Variants in LOC128462377 observed in about 807,000 individuals in gnomAD.
At chr16:89,381,365 G>A in the LOC128462377 span, among the ~76,000 whole-genome samples, 2 of 145,936 alleles carry the variant, frequency 1.4e-5, no homozygotes, top group African/African-American at 2.6e-5. Flanking sequence ...GGGGTGAGAA[G>A]GGCAAGCAAG....
the LOC128462377 span, among the ~76,000 whole-genome samples, chr16:89,355,773 C>G: frequency 6.6e-6 from 1 of 152,226 alleles, no homozygotes; most frequent in Non-Finnish European, 1.5e-5. Context: ...CGCAGCCTGA[C>G]AATCGCATCT....
At chr16:89,334,867 C>T in the LOC128462377 span, among the ~76,000 whole-genome samples, 3 of 152,092 alleles carry the variant, frequency 2.0e-5, no homozygotes, top group Non-Finnish European at 2.9e-5. Context: ...ACACTGGATT[C>T]GAAGAGCCAG....
chr16:89,378,316 A>T, the LOC128462377 span, among the ~76,000 whole-genome samples: 4 of 152,178 alleles, frequency 2.6e-5, no homozygotes, highest in African/African-American at 9.7e-5. Flanking sequence ...TTATATGTGG[A>T]CTTGACTGTA....
At chr16:89,372,735 G>A in the LOC128462377 span, 1 of 152,186 alleles carries the variant, frequency 6.6e-6, no homozygotes. Context: ...GGGGACCCAG[G>A]ACACTGTTCT....
chr16:89,354,987 A>G, the LOC128462377 span, among the ~76,000 whole-genome samples: 3 of 152,360 alleles, frequency 2.0e-5, no homozygotes, highest in African/African-American at 4.8e-5. Context: ...TCCAAGTCCC[A>G]GGAAATGCAC....
At chr16:89,387,270 G>T in the LOC128462377 span, among the ~76,000 whole-genome samples, 1 of 152,068 alleles carries the variant, frequency 6.6e-6, no homozygotes, top group African/African-American at 2.4e-5. Flanking sequence ...GGCCTGAATG[G>T]TGGGAGTGCC....
At chr16:89,373,566 G>C in the LOC128462377 span, 1 of 152,392 alleles carries the variant, frequency 6.6e-6, no homozygotes, top group South Asian at 2.1e-4. Flanking sequence ...AGCAGTACCA[G>C]ACACCAGCGA....
the LOC128462377 span, among the ~76,000 whole-genome samples, chr16:89,349,134 TAAAAAA>T: frequency 1.5e-3 from 25 of 16,578 alleles, no homozygotes; most frequent in South Asian, 3.6e-3. Context: ...TCTCAAAAAG[TAAAAAA>T]AAAAAAAAAA....
the LOC128462377 span, among the ~76,000 whole-genome samples, chr16:89,339,355 GCAAACAAA>G: frequency 0.015 from 2,297 of 152,134 alleles, 47 homozygotes; most frequent in African/African-American, 0.052. Context: ...GCTTACACTA[GCAAACAAA>G]CAAACAAACA....
the LOC128462377 span, among the ~76,000 whole-genome samples, chr16:89,318,600 C>G: frequency 3.1e-3 from 477 of 152,274 alleles, 1 homozygote; most frequent in African/African-American, 0.011. Context: ...GCCTCTCCCA[C>G]CTCCACCCCG....
At chr16:89,355,759 T>C in the LOC128462377 span, among the ~76,000 whole-genome samples, 1 of 152,254 alleles carries the variant, frequency 6.6e-6, no homozygotes, top group Non-Finnish European at 1.5e-5. Flanking sequence ...CTTGTGTTAC[T>C]GAGCGCAGCC....
the LOC128462377 span, chr16:89,395,978 C>T: frequency 6.6e-6 from 1 of 152,192 alleles, no homozygotes; most frequent in African/African-American, 2.4e-5. Context: ...GGCCTCTGGA[C>T]AGGAAGCACC....
At chr16:89,378,576 C>G in the LOC128462377 span, among the ~76,000 whole-genome samples, 1 of 152,194 alleles carries the variant, frequency 6.6e-6, no homozygotes, top group Non-Finnish European at 1.5e-5. Context: ...TGGAAATAGT[C>G]TGGCTGAGAA....
At chr16:89,320,031 T>C in the LOC128462377 span, 2 of 152,324 alleles carry the variant, frequency 1.3e-5, no homozygotes, top group African/African-American at 4.8e-5. Flanking sequence ...TACTCAGCCG[T>C]GTCAGTGACT....
chr16:89,401,465 C>A, the LOC128462377 span, among the ~76,000 whole-genome samples: 1 of 152,074 alleles, frequency 6.6e-6, no homozygotes, highest in African/African-American at 2.4e-5. Context: ...GAATGTGAAG[C>A]CTTATATCCA....
the LOC128462377 span, among the ~76,000 whole-genome samples, chr16:89,407,030 C>CA: frequency 6.6e-6 from 1 of 151,838 alleles, no homozygotes; most frequent in African/African-American, 2.4e-5. Flanking sequence ...ACTAAAAACA[C>CA]AAAAAATTAG....
the LOC128462377 span, among the ~76,000 whole-genome samples, chr16:89,360,289 G>A: frequency 8.5e-5 from 13 of 152,126 alleles, no homozygotes; most frequent in African/African-American, 3.1e-4. Context: ...TAGGGATGGG[G>A]CTTCACTATG....
the LOC128462377 span, among the ~76,000 whole-genome samples, chr16:89,372,016 A>C: frequency 6.6e-6 from 1 of 152,222 alleles, no homozygotes; most frequent in South Asian, 2.1e-4. Flanking sequence ...ACGGGCCAAG[A>C]ACATGGTGAA....
At chr16:89,375,038 ATACT>A in the LOC128462377 span, among the ~76,000 whole-genome samples, 22 of 152,136 alleles carry the variant, frequency 1.4e-4, no homozygotes, top group Non-Finnish European at 2.5e-4. Context: ...ACGCTTATAA[ATACT>A]TACAGACTGT....
Sources: gnomAD v4.1 joint callset for allele counts (sites outside exome capture counted in the v4.1 genomes callset) on GRCh38, gnomAD v4.1.1 for gene constraint, MANE v1.5 for transcripts.